THSD4: variants seen among roughly 807,000 people sequenced by gnomAD.
THSD4 encodes the protein thrombospondin type-1 domain-containing protein 4.
A neutral mutation model predicts 119.0 loss-of-function variants in THSD4; 69 were observed. The observed-to-expected ratio is 0.58, with a 90% CI of 0.48 to 0.71. THSD4 has a LOEUF of 0.71. THSD4 is among the 30% of genes least tolerant of loss of function. The pLI is 0.00. For missense variants in THSD4, 1,393 were observed against 1,391.1 expected (o/e 1.00, Z -0.02); for synonymous variants, 524 against 540.4 (o/e 0.97, Z 0.42).
chr15:71,229,055 C>T (rs577060453), intron 4 of THSD4, among the ~76,000 whole-genome samples: 1 of 152,174 alleles, frequency 6.6e-6, no homozygotes. Context: ...CCCTGTAATC[C>T]TCTGTGAATG....
chr15:71,187,285 G>A (rs757842856), intron 3 of THSD4: 4 of 152,570 alleles, frequency 2.6e-5, no homozygotes, highest in Non-Finnish European at 2.9e-5. Flanking sequence ...AAAACAATGC[G>A]GCAACCCCAA....
chr15:71,492,541 C>T (rs943180388), intron 7 of THSD4, among the ~76,000 whole-genome samples: 5 of 152,146 alleles, frequency 3.3e-5, no homozygotes, highest in Admixed American at 1.3e-4. Context: ...CCCACCTCGG[C>T]CTCCCAAAGT....
At chr15:71,373,140 T>C (rs1395535587) in intron 6 of THSD4, among the ~76,000 whole-genome samples, 1 of 152,290 alleles carries the variant, frequency 6.6e-6, no homozygotes, top group Non-Finnish European at 1.5e-5. Flanking sequence ...AAATAGTTCA[T>C]AATTTCAGTC....
intron 6 of THSD4, among the ~76,000 whole-genome samples, chr15:71,406,646 GTGTGTGTGTGT>G (rs1566971851): frequency 6.0e-4 from 4 of 6,638 alleles, no homozygotes; most frequent in Admixed American, 2.5e-3. Context: ...TTTGTTTGGT[GTGTGTGTGTGT>G]GTGTGTGTGT....
intron 7 of THSD4, among the ~76,000 whole-genome samples, chr15:71,595,921 C>T (rs184914739): frequency 6.9e-4 from 105 of 152,298 alleles, no homozygotes; most frequent in Admixed American, 1.4e-3. Flanking sequence ...CTATGCACAT[C>T]GATTTGACTG....
At chr15:71,541,821 A>G (rs967315207) in intron 7 of THSD4, among the ~76,000 whole-genome samples, 2 of 152,234 alleles carry the variant, frequency 1.3e-5, no homozygotes, top group African/African-American at 4.8e-5. Flanking sequence ...TTCTAGAGAA[A>G]GGGAGTACCA....
At chr15:71,739,848 CTTTCT>C (rs1344441591) in intron 11 of THSD4, among the ~76,000 whole-genome samples, 6 of 145,440 alleles carry the variant, frequency 4.1e-5, no homozygotes, top group Middle Eastern at 7.1e-3. Flanking sequence ...TTTTCTTTTC[CTTTCT>C]TTTCTTTTCT....
At chr15:71,770,417 G>A (rs984577818) in intron 16 of THSD4, among the ~76,000 whole-genome samples, 1 of 151,420 alleles carries the variant, frequency 6.6e-6, no homozygotes, top group Non-Finnish European at 1.5e-5. Context: ...CACTTTGGGA[G>A]GTCGAGGTGG....
At chr15:71,663,106 G>T (rs549132709) in intron 8 of THSD4, among the ~76,000 whole-genome samples, 1 of 152,194 alleles carries the variant, frequency 6.6e-6, no homozygotes, top group East Asian at 1.9e-4. Context: ...TTAAAAATCA[G>T]CCAGATGCGG....
At chr15:71,132,646 A>C (rs1051331825) in intron 1 of THSD4, among the ~76,000 whole-genome samples, 1 of 152,194 alleles carries the variant, frequency 6.6e-6, no homozygotes, top group Admixed American at 6.5e-5. Flanking sequence ...TTAATAAATA[A>C]ATTTTATAGA....
chr15:71,424,707 A>G (rs892224990), intron 7 of THSD4, among the ~76,000 whole-genome samples: 4 of 152,218 alleles, frequency 2.6e-5, no homozygotes, highest in Non-Finnish European at 5.9e-5. Context: ...TATAATTTCT[A>G]TTATTAAACA....
chr15:71,728,778 A>G, intron 9 of THSD4, 54 bp downstream of exon 9: 1 of 1,597,886 alleles, frequency 6.3e-7, no homozygotes, highest in Non-Finnish European at 8.6e-7. Context: ...TGTCACTTCT[A>G]AGGAACATAC....
intron 7 of THSD4, among the ~76,000 whole-genome samples, chr15:71,652,054 G>T (rs1595829572): frequency 6.6e-6 from 1 of 152,174 alleles, no homozygotes; most frequent in Non-Finnish European, 1.5e-5. Flanking sequence ...TGTAAATCAG[G>T]CCAGTGTGCA....
intron 7 of THSD4, among the ~76,000 whole-genome samples, chr15:71,440,265 T>G (rs2047072037): frequency 6.6e-6 from 1 of 152,214 alleles, no homozygotes. Flanking sequence ...AAAACCTCAA[T>G]ATAAGCTTTG....
Position 71,679,181 on chromosome 15 carries a change from T to A in THSD4, c.1357+18447T>A, listed in dbSNP as rs556846638. On this transcript the variant is annotated intron_variant, in intron 8 of 17. Transcript: ENST00000261862. The stretch of plus-strand genomic sequence containing the variant: ...TACTGTCCATTTGGAAATCCTTTGA[T>A]GACTTTGAAAAGAGACCCAGTGCTA... 1.4e-3 allele frequency among the ~76,000 whole-genome samples: 219 copies of A among 152,342 alleles called. 2 individuals carry two copies. Among genetic ancestry groups the A allele is most frequent in the African/African-American group, 4.9e-3 (204 of 41,580 alleles).
intron 5 of THSD4, among the ~76,000 whole-genome samples, chr15:71,246,697 G>A (rs937226651): frequency 6.6e-6 from 1 of 152,122 alleles, no homozygotes; most frequent in African/African-American, 2.4e-5. Flanking sequence ...ATTTCTGAAT[G>A]TAGACTTTAA....
At chr15:71,477,317 C>T (rs113444865) in intron 7 of THSD4, among the ~76,000 whole-genome samples, 2,770 of 152,190 alleles carry the variant, frequency 0.018, 45 homozygotes, top group Non-Finnish European at 0.027. Flanking sequence ...AAGCTCCGAG[C>T]ATATGTGTGC....
chr15:71,556,548 G>A (rs2049020432), intron 7 of THSD4, among the ~76,000 whole-genome samples: 1 of 151,874 alleles, frequency 6.6e-6, no homozygotes, highest in Non-Finnish European at 1.5e-5. Flanking sequence ...CCAGGAGTTC[G>A]AGACCAGCCC....
chr15:71,191,027 C>T (rs113233948), intron 3 of THSD4, among the ~76,000 whole-genome samples: 1,707 of 152,204 alleles, frequency 0.011, 31 homozygotes, highest in African/African-American at 0.039. Context: ...CTTTGTTCTC[C>T]CTGAATCATC....
Sources: gnomAD v4.1 joint callset for allele counts (sites outside exome capture counted in the v4.1 genomes callset) on GRCh38, gnomAD v4.1.1 for gene constraint, MANE v1.5 for transcripts, NCBI Gene and HGNC (gene_info 2026-07-23, HGNC 2026-07-21) for gene names.